Variants in ADAMTS17 observed in about 807,000 individuals in gnomAD.
The protein encoded by ADAMTS17 is ADAM metallopeptidase with thrombospondin type 1 motif 17.
In ADAMTS17, 113 loss-of-function variants were observed where a neutral mutation model predicts 141.5. The observed-to-expected ratio is 0.80, with a 90% CI of 0.69 to 0.93. The LOEUF is 0.93. Among genes scored for constraint, ADAMTS17 ranks in the 40% least tolerant of loss-of-function variants. The pLI, the probability that ADAMTS17 is intolerant of heterozygous loss-of-function variation, is 0.00. For missense variants in ADAMTS17, 1,659 were observed against 1,517.9 expected (o/e 1.09, Z -1.54); for synonymous variants, 768 against 630.6 (o/e 1.22, Z -3.27).
At chr15:100,119,363 A>G (rs531430865) in intron 12 of ADAMTS17, among the ~76,000 whole-genome samples, 20 of 152,316 alleles carry the variant, frequency 1.3e-4, no homozygotes, top group African/African-American at 4.8e-4. Flanking sequence ...GCAGACATGA[A>G]GTCATGAGGA....
chr15:99,976,461 A>T (rs1328518287), intron 20 of ADAMTS17: 1 of 619,980 alleles, frequency 1.6e-6, no homozygotes, highest in African/African-American at 1.8e-5. Context: ...TGGGCTGGGC[A>T]CTGTGTGTCA....
At chr15:100,261,296 G>A (rs1208631227) in intron 6 of ADAMTS17, among the ~76,000 whole-genome samples, 183 bp downstream of exon 6, 2 of 152,174 alleles carry the variant, frequency 1.3e-5, no homozygotes, top group African/African-American at 2.4e-5. Flanking sequence ...CCCAGGCATC[G>A]TACCTACCTC....
chr15:100,263,292 C>A (rs2043596025), intron 4 of ADAMTS17, among the ~76,000 whole-genome samples: 1 of 152,150 alleles, frequency 6.6e-6, no homozygotes, highest in Non-Finnish European at 1.5e-5. Context: ...GAAACCAGTT[C>A]ATCGAGGTAA....
intron 8 of ADAMTS17, among the ~76,000 whole-genome samples, chr15:100,173,753 A>G (rs2040240944): frequency 6.6e-6 from 1 of 152,200 alleles, no homozygotes; most frequent in African/African-American, 2.4e-5. Flanking sequence ...CACTTGGGAA[A>G]CTTTTAACAC....
At chr15:100,207,458 T>G (rs903758574) in intron 7 of ADAMTS17, among the ~76,000 whole-genome samples, 3 of 152,144 alleles carry the variant, frequency 2.0e-5, no homozygotes, top group South Asian at 2.1e-4. Context: ...TGCTCAAACA[T>G]GGCTAACCCA....
At chr15:100,191,958 G>A (rs1490423685) in intron 8 of ADAMTS17, among the ~76,000 whole-genome samples, 1 of 152,188 alleles carries the variant, frequency 6.6e-6, no homozygotes, top group Non-Finnish European at 1.5e-5. Flanking sequence ...ACACCCTGAT[G>A]TGACTTACGC....
chr15:100,114,158 CTTTT>C (rs10712411), intron 13 of ADAMTS17, among the ~76,000 whole-genome samples: 4 of 142,648 alleles, frequency 2.8e-5, no homozygotes, highest in East Asian at 2.0e-4. Context: ...ATTCTTTCTT[CTTTT>C]TTTTTTTTTT....
intron 8 of ADAMTS17, among the ~76,000 whole-genome samples, chr15:100,196,735 T>C (rs1435274432): frequency 6.6e-6 from 1 of 152,214 alleles, no homozygotes; most frequent in Non-Finnish European, 1.5e-5. Flanking sequence ...GCCGGTGGCT[T>C]TGCTGAGAGT....
intron 3 of ADAMTS17, among the ~76,000 whole-genome samples, chr15:100,316,654 T>C (rs556866545): frequency 7.2e-5 from 11 of 152,370 alleles, no homozygotes; most frequent in Non-Finnish European, 1.3e-4. Context: ...ACCCACTCTA[T>C]GGAAGTTTTC....
intron 8 of ADAMTS17, among the ~76,000 whole-genome samples, chr15:100,187,060 C>T (rs2040744163): frequency 6.6e-6 from 1 of 152,174 alleles, no homozygotes; most frequent in African/African-American, 2.4e-5. Flanking sequence ...GAGAGCCAGA[C>T]TCATGTGAAG....
chr15:100,200,788 G>A (rs1377254357), intron 7 of ADAMTS17, among the ~76,000 whole-genome samples: 2 of 152,118 alleles, frequency 1.3e-5, no homozygotes, highest in African/African-American at 2.4e-5. Flanking sequence ...AGGAGCACTT[G>A]CTCTCCCCCA....
chr15:100,063,922 G>C (rs1198883677), intron 15 of ADAMTS17, among the ~76,000 whole-genome samples: 1 of 152,142 alleles, frequency 6.6e-6, no homozygotes, highest in Non-Finnish European at 1.5e-5. Context: ...GGACCTCCCA[G>C]TGGCCCCATT....
chr15:100,160,899 G>A (rs922498313), intron 8 of ADAMTS17, among the ~76,000 whole-genome samples: 4 of 152,160 alleles, frequency 2.6e-5, no homozygotes, highest in Middle Eastern at 3.2e-3. Flanking sequence ...TACTGTCTAG[G>A]CTATTTTTAG....
At position 100,214,134 on chromosome 15, in the gene ADAMTS17, G is replaced by A. The variant is rs1477879552; in HGVS notation, c.1076-14711C>T. 3.9e-5 allele frequency among the ~76,000 whole-genome samples: 6 copies of A among 152,108 alleles called. No homozygotes were observed. In the East Asian group the frequency reaches 7.7e-4, roughly 20 times the overall value. ...TGGCGCCCTCCTGAATGGAACCCCG[G>A]AGTAGCTCCCATGTGGAAGAGTCCC... On this transcript the variant is annotated intron_variant, in intron 7 of 21. Transcript: ENST00000268070.
chr15:100,031,686 G>T (rs117317665), intron 18 of ADAMTS17, among the ~76,000 whole-genome samples: 1,564 of 152,274 alleles, frequency 0.01, 15 homozygotes, highest in Non-Finnish European at 0.016. Context: ...ATAGAGATGA[G>T]CAATTCTGGG....
chr15:100,204,524 C>T (rs996778341), intron 7 of ADAMTS17, among the ~76,000 whole-genome samples: 1 of 152,202 alleles, frequency 6.6e-6, no homozygotes, highest in South Asian at 2.1e-4. Flanking sequence ...AATGGCTGAA[C>T]AGCATTTAGG....
intron 7 of ADAMTS17, among the ~76,000 whole-genome samples, chr15:100,216,910 A>G (rs1372544297): frequency 6.6e-6 from 1 of 152,204 alleles, no homozygotes; most frequent in Non-Finnish European, 1.5e-5. Flanking sequence ...GAAACATCAC[A>G]TGTTCTTCTG....
In ADAMTS17 at chr15:100,096,344, G is replaced by A. The variant is rs752662894; in HGVS notation, c.2137+12C>T. 1.3e-5 allele frequency: 21 copies of A among 1,612,928 alleles called. No homozygotes were observed. The South Asian group carries it at 2.0e-4, about 15-fold the overall frequency. On this transcript the variant is annotated intron_variant, in intron 15 of 21. Transcript: ENST00000268070. ...CACTGTAGCCACAGCAGCCCCATGGGCCAACACTCACCTGTCCCCCGGGCG... is the reference window on the plus strand; with the variant it reads ...CACTGTAGCCACAGCAGCCCCATGGACCAACACTCACCTGTCCCCCGGGCG...
At chr15:100,085,017 A>G (rs2035005589) in intron 15 of ADAMTS17, among the ~76,000 whole-genome samples, 2 of 152,216 alleles carry the variant, frequency 1.3e-5, no homozygotes, top group Non-Finnish European at 2.9e-5. Context: ...AGCTGACAGA[A>G]GAAGGCTTCA....
Sources: allele counts gnomAD v4.1 joint callset (sites outside exome capture counted in the v4.1 genomes callset), GRCh38; gene constraint gnomAD v4.1.1; transcripts MANE v1.5; gene names NCBI Gene and HGNC (gene_info 2026-07-23, HGNC 2026-07-21).